The following CADM2 variants were observed in gnomAD, a reference collection of about 807,000 sequenced individuals.
CADM2 encodes the protein immunoglobulin superfamily member 4D.
CADM2 carries 12 observed loss-of-function variants against 49.8 expected under a neutral mutation model. That is an observed-to-expected ratio of 0.24 (90% confidence interval 0.15 to 0.39). The LOEUF is 0.39. CADM2 is among the 10% of genes least tolerant of loss of function. The pLI is 1.00. For synonymous variants in CADM2, 214 were observed against 175.4 expected (o/e 1.22, Z -1.74); for missense variants, 378 against 492.3 (o/e 0.77, Z 2.20).
chr3:85,940,367 A>G (rs1721746391), intron 7 of CADM2, among the ~76,000 whole-genome samples: 1 of 151,812 alleles, frequency 6.6e-6, no homozygotes, highest in Non-Finnish European at 1.5e-5. Context: ...ACAGTTTTAT[A>G]TAAAGTCAAT....
chr3:85,594,345 ATTATTTAT>A (rs923679293), intron 1 of CADM2, among the ~76,000 whole-genome samples: 10 of 151,940 alleles, frequency 6.6e-5, no homozygotes, highest in East Asian at 1.9e-4. Context: ...ATTAACTGAA[ATTATTTAT>A]TTATTTATTT....
At chr3:85,704,072 T>G (rs1470168117) in intron 1 of CADM2, among the ~76,000 whole-genome samples, 1 of 152,202 alleles carries the variant, frequency 6.6e-6, no homozygotes, top group Non-Finnish European at 1.5e-5. Flanking sequence ...TCATCAAAAC[T>G]GCACCTTAGA....
chr3:84,990,978 A>G (rs1261034006), intron 1 of CADM2, among the ~76,000 whole-genome samples: 4 of 152,144 alleles, frequency 2.6e-5, no homozygotes, highest in African/African-American at 4.8e-5. Flanking sequence ...AAGTCTCATT[A>G]AAGTTCCATT....
At chr3:85,874,213 A>G (rs899065579) in intron 3 of CADM2, among the ~76,000 whole-genome samples, 1 of 152,098 alleles carries the variant, frequency 6.6e-6, no homozygotes, top group African/African-American at 2.4e-5. Context: ...ATTTAATCCA[A>G]ATTTCAGGCT....
At chr3:85,716,871 C>T (rs1254759568) in intron 1 of CADM2, among the ~76,000 whole-genome samples, 3 of 152,090 alleles carry the variant, frequency 2.0e-5, no homozygotes, top group Non-Finnish European at 4.4e-5. Flanking sequence ...GATTTGGTGC[C>T]AGAACCGTGC....
At chr3:85,580,855 A>G (rs1346339019) in intron 1 of CADM2, among the ~76,000 whole-genome samples, 1 of 152,152 alleles carries the variant, frequency 6.6e-6, no homozygotes, top group Non-Finnish European at 1.5e-5. Flanking sequence ...TAATACATGT[A>G]AAACAGTTTA....
chr3:85,922,980 C>T (rs1719336152), intron 6 of CADM2, among the ~76,000 whole-genome samples: 1 of 151,794 alleles, frequency 6.6e-6, no homozygotes, highest in South Asian at 2.1e-4. Flanking sequence ...CGCCACCACA[C>T]CCAGCTAATT....
chr3:85,735,028 A>AT (rs2068079599), intron 2 of CADM2, among the ~76,000 whole-genome samples: 1 of 149,388 alleles, frequency 6.7e-6, no homozygotes, highest in Non-Finnish European at 1.5e-5. Flanking sequence ...TATGTTCTTT[A>AT]TTTTTTACTG....
chr3:85,522,066 T>C (rs2061037257), intron 1 of CADM2, among the ~76,000 whole-genome samples: 1 of 152,166 alleles, frequency 6.6e-6, no homozygotes, highest in African/African-American at 2.4e-5. Flanking sequence ...TTGTTTCCTT[T>C]GTATTTTTGT....
At chr3:85,417,982 A>C (rs1265095133) in intron 1 of CADM2, among the ~76,000 whole-genome samples, 3 of 152,182 alleles carry the variant, frequency 2.0e-5, no homozygotes, top group Admixed American at 6.5e-5. Context: ...TTTAAGTAGG[A>C]AGGTACTGGA....
At chr3:85,657,821 G>T (rs1041490965) in intron 1 of CADM2, among the ~76,000 whole-genome samples, 7 of 139,360 alleles carry the variant, frequency 5.0e-5, no homozygotes, top group Non-Finnish European at 1.1e-4. Context: ...AAATTCATAT[G>T]ATCAAGTCTT....
intron 1 of CADM2, among the ~76,000 whole-genome samples, chr3:85,504,513 G>A (rs1295752950): frequency 6.6e-6 from 1 of 152,204 alleles, no homozygotes; most frequent in Non-Finnish European, 1.5e-5. Context: ...GAGCCGAGTG[G>A]TCTGTTTTGA....
At chr3:85,529,082 A>G (rs946647659) in intron 1 of CADM2, among the ~76,000 whole-genome samples, 1 of 151,946 alleles carries the variant, frequency 6.6e-6, no homozygotes, top group Non-Finnish European at 1.5e-5. Flanking sequence ...TAAAGTTCAG[A>G]AAAAAAATGG....
At chr3:85,320,365 C>A (rs1372691661) in intron 1 of CADM2, among the ~76,000 whole-genome samples, 1 of 152,100 alleles carries the variant, frequency 6.6e-6, no homozygotes, top group Admixed American at 6.6e-5. Flanking sequence ...AAAATATGAA[C>A]CTCTCTTTTC....
chr3:84,979,108 A>G (rs1436282415), intron 1 of CADM2, among the ~76,000 whole-genome samples: 5 of 152,144 alleles, frequency 3.3e-5, no homozygotes, highest in East Asian at 1.9e-4. Context: ...ACTGACTCCA[A>G]TTCAGCAGCT....
intron 8 of CADM2, among the ~76,000 whole-genome samples, chr3:86,025,532 C>G (rs1178877504): frequency 6.6e-6 from 1 of 151,552 alleles, no homozygotes; most frequent in East Asian, 1.9e-4. Flanking sequence ...GTCTTTCATT[C>G]ACATCTTCAT....
rs574621060 is a variant in CADM2 at position 85,214,088 on chromosome 3, C to T, written c.61+254420C>T. Among the ~76,000 whole-genome samples, 14 of 152,102 alleles carry T rather than the reference C, an allele frequency of 9.2e-5. No individual in the cohort carries two copies. The South Asian group carries it at 1.2e-3, about 14-fold the overall frequency. On this transcript the variant is annotated intron_variant, in intron 1 of 9. Transcript: ENST00000383699. Reference sequence around the variant, plus strand: ...TGTTATTTAGTTTGTTCCACATATTCGAAGGGACTCAGGTGTTGTGATCCA... The same window carrying T: ...TGTTATTTAGTTTGTTCCACATATTTGAAGGGACTCAGGTGTTGTGATCCA...
intron 2 of CADM2, among the ~76,000 whole-genome samples, chr3:85,785,284 G>A (rs958479999): frequency 4.6e-5 from 7 of 151,704 alleles, no homozygotes; most frequent in East Asian, 3.9e-4. Context: ...TTTCTGCTCC[G>A]ATCTTTATTA....
At chr3:85,170,525 G>GA (rs2040595667) in intron 1 of CADM2, among the ~76,000 whole-genome samples, 2 of 152,020 alleles carry the variant, frequency 1.3e-5, no homozygotes, top group Admixed American at 1.3e-4. Context: ...TTTTGGTAGA[G>GA]ATGGGGTTCC....
Sources: allele counts gnomAD v4.1 joint callset (sites outside exome capture counted in the v4.1 genomes callset), GRCh38; gene constraint gnomAD v4.1.1; transcripts MANE v1.5; gene names NCBI Gene and HGNC (gene_info 2026-07-23, HGNC 2026-07-21).